Variants in DHX57 observed in about 807,000 individuals in gnomAD.
DHX57 encodes DExH-box helicase 57.
A neutral mutation model predicts 156.2 loss-of-function variants in DHX57; 105 were observed. The observed-to-expected ratio is 0.67, with a 90% CI of 0.57 to 0.79. The LOEUF (loss-of-function observed/expected upper bound fraction) is 0.79, where lower values mean the gene tolerates loss of function less well. Among genes scored for constraint, DHX57 ranks in the 30% least tolerant of loss-of-function variants. The pLI is 0.00. For missense variants in DHX57, 1,847 were observed against 1,661.9 expected (o/e 1.11, Z -1.94); for synonymous variants, 704 against 595.6 (o/e 1.18, Z -2.65).
At position 38,823,169 on chromosome 2, in the gene DHX57, G is replaced by A. The variant is rs1450774084; in HGVS notation, c.3115C>T (p.Arg1039Ter). 1.3e-5 allele frequency: 21 copies of A among 1,614,026 alleles called. No homozygotes were observed. The highest frequency in any genetic ancestry group is 1.7e-5 in the Non-Finnish European group (20 of 1,180,038). ...HTDSLRASKI[R>*]LRDLGALTPD... is the part of the protein sequence containing the mutation. Reference sequence around the variant, plus strand: ...GTTAATGCTCCTAAGTCTCGTAATCGTATTTTTGAGGCACGAAGAGAATCG... The same window carrying A: ...GTTAATGCTCCTAAGTCTCGTAATCATATTTTTGAGGCACGAAGAGAATCG... Residue 1039 changes from arginine to a stop codon, truncating the protein, a stop_gained, in exon 17 of 24, where the codon CGA becomes TGA. Transcript: ENST00000457308. LOFTEE classifies it high-confidence loss of function.
intron 22 of DHX57, among the ~76,000 whole-genome samples, chr2:38,805,158 T>C (rs573487706): frequency 2.0e-5 from 3 of 152,148 alleles, no homozygotes; most frequent in South Asian, 2.1e-4. Flanking sequence ...AAAAAGTATA[T>C]ATAAAAAAGG....
chr2:38,825,834 A>C lies in DHX57; in HGVS notation c.3014+13T>G. The stretch of plus-strand genomic sequence containing the variant: ...GACCTTTTGGAAGCAAAACACAAAA[A>C]ACCAGATGTCACCTTAGACACAGCT... On this transcript the variant is annotated intron_variant, in intron 16 of 23. Transcript: ENST00000457308. 6.2e-7 allele frequency: 1 copy of C among 1,614,078 alleles called. No homozygotes were observed. Among genetic ancestry groups the C allele is most frequent in the Non-Finnish European group, 8.5e-7 (1 of 1,179,934 alleles).
Position 38,868,264 on chromosome 2 carries a change from C to T in DHX57, c.142G>A (p.Gly48Ser). 1 of 1,614,032 alleles carries T rather than the reference C, an allele frequency of 6.2e-7. No individual in the cohort carries two copies. The highest frequency in any genetic ancestry group is 8.5e-7 in the Non-Finnish European group (1 of 1,180,022). ...GGGGGGGGGG[G>S]GNRKASSRIW... ...CTACTGGAGGCCTTTCTGTTGCCGC[C>T]ACCTCCACCACCACCACCACCGCCA... The change falls in exon 2 of 24, where the codon GGC becomes AGC. Residue 48 changes from glycine to serine, a missense_variant. By Grantham distance (56) the Gly-to-Ser change is moderately conservative (BLOSUM62 0). Transcript: ENST00000457308.
rs181341833 is a variant in DHX57, at chr2:38,818,362, T to C, written c.3471+515A>G. Among the ~76,000 whole-genome samples, 294 of 151,964 alleles carry C rather than the reference T, an allele frequency of 1.9e-3. 1 individual carries two copies. Among genetic ancestry groups the C allele is most frequent in the Admixed American group, 6.1e-3 (93 of 15,250 alleles). Reference sequence around the variant, plus strand: ...CAGCATGGTGAAACCCCATCTCTACTAAAAATACAAAAAAATTAGCTGAGC... The same window carrying C: ...CAGCATGGTGAAACCCCATCTCTACCAAAAATACAAAAAAATTAGCTGAGC... On this transcript the variant is annotated intron_variant, in intron 19 of 23. Coordinates refer to ENST00000457308, the MANE Select transcript of DHX57 (RefSeq NM_198963.3).
chr2:38,807,519 G>T (rs979144083), intron 21 of DHX57, among the ~76,000 whole-genome samples: 1 of 151,460 alleles, frequency 6.6e-6, no homozygotes, highest in Non-Finnish European at 1.5e-5. Flanking sequence ...CGCCACACCC[G>T]GCTAATTTTT....
intron 14 of DHX57, among the ~76,000 whole-genome samples, chr2:38,827,864 G>T (rs950749898): frequency 9.2e-5 from 14 of 151,994 alleles, no homozygotes; most frequent in Non-Finnish European, 1.6e-4. Flanking sequence ...TAAGTGAAGA[G>T]AATTTTTTTG....
chr2:38,861,293 C>T lies in DHX57; in HGVS notation c.1117G>A (p.Ala373Thr). 12 of 1,614,030 alleles carry T rather than the reference C, an allele frequency of 7.4e-6. No individual in the cohort carries two copies. Among genetic ancestry groups the T allele is most frequent in the South Asian group, 2.2e-5 (2 of 91,078 alleles). ...HKYPYQAPLV[A>T]FYSTNENLPL... is the part of the protein sequence containing the mutation. ...AGGTTCTCATTGGTGGAATAAAATG[C>T]CACGAGCGGAGCTTGGTAGGGATAT... The change falls in exon 5 of 24, where the codon GCA becomes ACA. Residue 373 changes from alanine (A) to threonine (T), a missense_variant. Coordinates refer to ENST00000457308, the MANE Select transcript of DHX57 (RefSeq NM_198963.3).
chr2:38,806,730 A>G (rs1669957528), intron 21 of DHX57, 37 bp from the exon 22 acceptor site: 10 of 1,575,908 alleles, frequency 6.3e-6, no homozygotes, highest in Non-Finnish European at 8.6e-6. Context: ...GACATATAAT[A>G]TATATATTCT....
Position 38,875,880 on chromosome 2 carries a change from A to G in DHX57, c.-100T>C, listed in dbSNP as rs570918929. 5.1e-6 allele frequency: 2 copies of G among 395,910 alleles called. No homozygotes were observed. The highest frequency in any genetic ancestry group is 3.6e-5 in the East Asian group (1 of 27,934). 24.5% of individuals were successfully genotyped at this position (395,910 alleles called of 1,614,324 possible). A position where few individuals can be genotyped will look rare whatever the true frequency, so the allele number is the denominator to read the frequency against. ...GGACTTGGCCACCCTCACGATTCTCACTTGGAGCAGCCCTGCGGTGGCCCA... is the reference window on the plus strand; with the variant it reads ...GGACTTGGCCACCCTCACGATTCTCGCTTGGAGCAGCCCTGCGGTGGCCCA... On this transcript the variant is annotated 5_prime_UTR_variant, in exon 1 of 24. Coordinates refer to ENST00000457308, the MANE Select transcript of DHX57 (RefSeq NM_198963.3).
At chr2:38,831,262 T>C (rs548746183) in intron 13 of DHX57, among the ~76,000 whole-genome samples, 57 of 152,026 alleles carry the variant, frequency 3.7e-4, no homozygotes, top group Non-Finnish European at 7.2e-4. Context: ...CATATGTCAC[T>C]GACTTCCTAG....
At chr2:38,826,837 T>C (rs969819643) in intron 14 of DHX57, 148 bp from the exon 15 acceptor site, 23 of 891,014 alleles carry the variant, frequency 2.6e-5, no homozygotes, top group Non-Finnish European at 3.0e-5. Flanking sequence ...CTCTTCTACA[T>C]AGTAAAGTCT....
rs942588453 is a variant in DHX57, at chr2:38,819,592, G to T, written c.3292-448C>A. On this transcript the variant is annotated intron_variant, in intron 17 of 23. Coordinates refer to ENST00000457308, the MANE Select transcript of DHX57 (RefSeq NM_198963.3). ...TAATCAGTGGGTCAGCTAATGAAAG[G>T]CAATTATGACGGTAAATGGCAAGCT... Among the ~76,000 whole-genome samples the T allele has an allele frequency of 5.3e-5, 8 of 152,176 alleles. 1 individual carries two copies. The highest frequency in any genetic ancestry group is 1.9e-4 in the African/African-American group (8 of 41,430).
In DHX57 at chr2:38,824,810, G is replaced by T. The variant is rs1027052429; in HGVS notation, c.3014+1037C>A. ...TTACAGGCGTGCGCCACTATACCTGGCTAATTTTATATTTTTTTAGTAGAG... is the reference window on the plus strand; with the variant it reads ...TTACAGGCGTGCGCCACTATACCTGTCTAATTTTATATTTTTTTAGTAGAG... On this transcript the variant is annotated intron_variant, in intron 16 of 23. Coordinates refer to ENST00000457308, the MANE Select transcript of DHX57 (RefSeq NM_198963.3). Among the ~76,000 whole-genome samples the T allele has an allele frequency of 4.6e-4, 70 of 152,094 alleles. 1 individual carries two copies. Among genetic ancestry groups the T allele is most frequent in the Non-Finnish European group, 3.7e-4 (25 of 68,018 alleles).
intron 23 of DHX57, among the ~76,000 whole-genome samples, chr2:38,801,129 G>T (rs1044634863): frequency 6.6e-6 from 1 of 152,182 alleles, no homozygotes; most frequent in African/African-American, 2.4e-5. Context: ...GGACACTGCT[G>T]CTCTGGACTT....
In DHX57 at chr2:38,818,927, C is replaced by A. The variant is rs569789651; in HGVS notation, c.3421G>T (p.Ala1141Ser). 1 of 1,614,216 alleles carries A rather than the reference C, an allele frequency of 6.2e-7. No homozygotes were observed. The highest frequency in any genetic ancestry group is 1.7e-5 in the Admixed American group (1 of 60,020). ...WQLSTKEGVR[A>S]SYNYCRQNFL... Reference sequence around the variant, plus strand: ...TTTTGTCTGCAGTAATTATAACTTGCACGCACGCCTTCTTTTGTACTTAGC... The same window carrying A: ...TTTTGTCTGCAGTAATTATAACTTGAACGCACGCCTTCTTTTGTACTTAGC... The change falls in exon 19 of 24, where the codon GCA becomes TCA. Residue 1141 changes from alanine to serine, a missense_variant. Physicochemically the swap from Ala to Ser is moderately conservative, Grantham distance 99. Coordinates refer to ENST00000457308, the MANE Select transcript of DHX57 (RefSeq NM_198963.3).
chr2:38,854,364 T>A (rs1273904520), intron 8 of DHX57, 186 bp from the exon 9 acceptor site: 3 of 456,476 alleles, frequency 6.6e-6, no homozygotes, highest in East Asian at 8.0e-5. Flanking sequence ...CTACTTCATA[T>A]CACAATGTTA....
Position 38,868,260 on chromosome 2 carries a change from C to A in DHX57, c.146G>T (p.Gly49Val). 1 of 1,614,004 alleles carries A rather than the reference C, an allele frequency of 6.2e-7. No homozygotes were observed. Among genetic ancestry groups the A allele is most frequent in the Non-Finnish European group, 8.5e-7 (1 of 1,180,026 alleles). The change falls in exon 2 of 24, where the codon GGC (glycine) becomes GTC (valine). Residue 49 changes from glycine (G) to valine (V), a missense_variant. Gly to Val is a moderately radical substitution (Grantham distance 109). Coordinates refer to ENST00000457308, the MANE Select transcript of DHX57 (RefSeq NM_198963.3). ...TATTCTACTGGAGGCCTTTCTGTTG[C>A]CGCCACCTCCACCACCACCACCACC... ...GGGGGGGGGG[G>V]NRKASSRIWD...
rs769664378 is a variant in DHX57, at chr2:38,826,494, A to C, written c.2813+22T>G. 1.9e-6 allele frequency: 3 copies of C among 1,608,390 alleles called. No individual in the cohort carries two copies. The Admixed American group carries it at 5.0e-5, about 27-fold the overall frequency. ...ATGAAGCATTTTTAGCCCCTCTCTT[A>C]CATCACCACAAGACGGAATACCTCT... On this transcript the variant is annotated intron_variant, in intron 15 of 23. Transcript: ENST00000457308.
At chr2:38,829,772 A>C (rs990185009) in intron 13 of DHX57, among the ~76,000 whole-genome samples, 1 of 152,156 alleles carries the variant, frequency 6.6e-6, no homozygotes, top group Non-Finnish European at 1.5e-5. Context: ...TAAGACAGGA[A>C]GACAATTTTA....
Sources: allele counts gnomAD v4.1 joint callset (sites outside exome capture counted in the v4.1 genomes callset), GRCh38; gene constraint gnomAD v4.1.1; transcripts MANE v1.5; gene names NCBI Gene and HGNC (gene_info 2026-07-23, HGNC 2026-07-21).